The following SPTLC3 variants were observed in gnomAD, a reference collection of about 807,000 sequenced individuals.
SPTLC3 encodes serine palmitoyltransferase long chain base subunit 3, also known as serine palmitoyltransferase 3.
A neutral mutation model predicts 59.3 loss-of-function variants in SPTLC3; 36 were observed. The observed-to-expected ratio is 0.61, with a 90% CI of 0.47 to 0.80. The LOEUF (loss-of-function observed/expected upper bound fraction) is 0.80. Ranked by LOEUF, SPTLC3 falls within the 30% of genes least tolerant of loss-of-function variation. The probability of loss-of-function intolerance (pLI) is 0.00; values close to 1 mark genes in which losing one functional copy is unlikely to be tolerated. For synonymous variants in SPTLC3, 257 were observed against 240.8 expected (o/e 1.07, Z -0.62); for missense variants, 625 against 685.1 (o/e 0.91, Z 0.98).
intron 1 of SPTLC3, among the ~76,000 whole-genome samples, chr20:13,030,172 GGC>G (rs1986365229): frequency 6.6e-6 from 1 of 152,118 alleles, no homozygotes; most frequent in Admixed American, 6.6e-5. Flanking sequence ...ATGAGTCACT[GGC>G]TGCCCCTACT....
Position 13,166,199 on chromosome 20 carries a change from A to C in SPTLC3, c.*1332A>C, listed in dbSNP as rs1292347411. On this transcript the variant is annotated 3_prime_UTR_variant, in exon 12 of 12. Transcript: ENST00000399002. The stretch of plus-strand genomic sequence containing the variant: ...CTCCATCAAATGACACTGTAAACAA[A>C]TCACTTCAAGAGAGGCTTGGTTTTG... The C allele has an allele frequency of 2.0e-5, 3 of 152,638 alleles. No individual in the cohort carries two copies. Among genetic ancestry groups the C allele is most frequent in the Non-Finnish European group, 4.4e-5 (3 of 68,046 alleles). The allele number at this position is 152,638 out of a possible 1,614,324, so 9.5% of individuals were successfully genotyped here. A position where few individuals can be genotyped will look rare whatever the true frequency, so the allele number is the denominator to read the frequency against.
At chr20:13,040,561 T>C (rs1986934861) in intron 1 of SPTLC3, among the ~76,000 whole-genome samples, 1 of 152,168 alleles carries the variant, frequency 6.6e-6, no homozygotes, top group Non-Finnish European at 1.5e-5. Context: ...GGTTTCACCA[T>C]GTTGGCCAGG....
At chr20:13,019,323 A>G (rs2122380188) in intron 1 of SPTLC3, among the ~76,000 whole-genome samples, 1 of 152,336 alleles carries the variant, frequency 6.6e-6, no homozygotes, top group Middle Eastern at 3.4e-3. Context: ...GTGGATTTAA[A>G]GAAAACATTG....
At chr20:13,016,132 A>G (rs1323460490) in intron 1 of SPTLC3, among the ~76,000 whole-genome samples, 1 of 152,078 alleles carries the variant, frequency 6.6e-6, no homozygotes, top group Non-Finnish European at 1.5e-5. Flanking sequence ...AAAAGCTATG[A>G]TGAGGGAAAT....
At chr20:13,163,837 A>C (rs1296207953) in intron 11 of SPTLC3, among the ~76,000 whole-genome samples, 6 of 152,204 alleles carry the variant, frequency 3.9e-5, no homozygotes, top group Non-Finnish European at 2.9e-5. Context: ...CAGGCTCAGA[A>C]AGGTTAAAAA....
intron 6 of SPTLC3, among the ~76,000 whole-genome samples, chr20:13,103,795 A>G (rs368538726): frequency 1.2e-4 from 19 of 152,324 alleles, no homozygotes; most frequent in South Asian, 1.0e-3. Context: ...ACAAGAGAAG[A>G]GAAAGGAGGA....
In SPTLC3 at chr20:13,080,511, C is replaced by CA. The variant is rs3039608; in HGVS notation, c.607+6024dup. Among the ~76,000 whole-genome samples the CA allele has an allele frequency of 2.7e-3, 335 of 122,814 alleles. 10 individuals are homozygous for CA. Among genetic ancestry groups the CA allele is most frequent in the East Asian group, 0.013 (56 of 4,270 alleles). 80.6% of individuals were successfully genotyped at this position (122,814 alleles called of 152,430 possible). ...GACCGAGTGAAAATCCATCCATCTC[C>CA]AAAAAAAAAACAGGCAAAACTGCAC... On this transcript the variant is annotated intron_variant, in intron 4 of 11. Coordinates refer to ENST00000399002, the MANE Select transcript of SPTLC3 (RefSeq NM_018327.4).
chr20:13,027,288 G>A (rs763841560), intron 1 of SPTLC3, among the ~76,000 whole-genome samples: 9 of 152,078 alleles, frequency 5.9e-5, no homozygotes, highest in African/African-American at 9.7e-5. Context: ...TGATCCTTAC[G>A]TCTGTACGTC....
chr20:13,121,590 C>T (rs13042895), intron 8 of SPTLC3, among the ~76,000 whole-genome samples: 61,959 of 151,870 alleles, frequency 0.41, 12,657 homozygotes, highest in Admixed American at 0.43. Flanking sequence ...CTCTAACCCA[C>T]CCTGAAGAAG....
In SPTLC3 at chr20:13,126,700, T is replaced by C. The variant is rs1249068096; in HGVS notation, c.1262T>C (p.Leu421Pro). The change falls in exon 9 of 12, where the codon CTG (leucine) becomes CCG (proline). Residue 421 changes from leucine (L) to proline (P), a missense_variant. By Grantham distance (98) the Leu-to-Pro change is moderately conservative (BLOSUM62 -3). Transcript: ENST00000399002. ...AGATCACTAAAACTTATCATGGGAC[T>C]GGATGGGACCACTCAAGGTAAGAGG... ...IIRSLKLIMG[L>P]DGTTQGLQRV... 1 of 1,613,958 alleles carries C rather than the reference T, an allele frequency of 6.2e-7. No homozygotes were observed. Among genetic ancestry groups the C allele is most frequent in the African/African-American group, 1.3e-5 (1 of 74,936 alleles).
At chr20:13,012,217 G>C (rs1174959997) in intron 1 of SPTLC3, among the ~76,000 whole-genome samples, 2 of 151,792 alleles carry the variant, frequency 1.3e-5, no homozygotes, top group Admixed American at 6.6e-5. Context: ...AAACCTGCAG[G>C]ATGAAAAAAA....
intron 6 of SPTLC3, among the ~76,000 whole-genome samples, chr20:13,108,994 A>T (rs1164568984): frequency 6.6e-6 from 1 of 152,228 alleles, no homozygotes. Context: ...AATGCAAAAA[A>T]TACACAGTAC....
intron 9 of SPTLC3, among the ~76,000 whole-genome samples, chr20:13,149,712 C>G (rs2038599680): frequency 6.6e-6 from 1 of 152,190 alleles, no homozygotes; most frequent in Non-Finnish European, 1.5e-5. Flanking sequence ...TCAGATACCC[C>G]TGGATATCAT....
At chr20:13,123,741 C>A (rs983863577) in intron 8 of SPTLC3, among the ~76,000 whole-genome samples, 3 of 152,134 alleles carry the variant, frequency 2.0e-5, no homozygotes, top group African/African-American at 7.2e-5. Flanking sequence ...CTTTTTGCTC[C>A]TCTGCATCTA....
intron 9 of SPTLC3, among the ~76,000 whole-genome samples, chr20:13,147,390 A>C (rs951509982): frequency 6.6e-6 from 1 of 152,018 alleles, no homozygotes; most frequent in Non-Finnish European, 1.5e-5. Flanking sequence ...CTTTACCGAG[A>C]TCTCTCTGCC....
chr20:13,040,144 A>G (rs1340028901), intron 1 of SPTLC3, among the ~76,000 whole-genome samples: 2 of 151,560 alleles, frequency 1.3e-5, no homozygotes, highest in Non-Finnish European at 2.9e-5. Flanking sequence ...CTTATTTAAC[A>G]TTTCTGGTTT....
chr20:13,140,645 T>TA (rs3840957), intron 9 of SPTLC3, among the ~76,000 whole-genome samples: 25,727 of 152,082 alleles, frequency 0.17, 2,238 homozygotes, highest in East Asian at 0.2. Flanking sequence ...TCTACAGGAT[T>TA]AAAAAAACAG....
At chr20:13,015,263 G>C (rs902633305) in intron 1 of SPTLC3, among the ~76,000 whole-genome samples, 15 of 152,234 alleles carry the variant, frequency 9.9e-5, no homozygotes, top group Middle Eastern at 3.4e-3. Flanking sequence ...CAAGCAAGAT[G>C]AAAAACCAGA....
intron 1 of SPTLC3, among the ~76,000 whole-genome samples, chr20:13,047,028 A>G (rs1987263352): frequency 6.6e-6 from 1 of 152,218 alleles, no homozygotes; most frequent in Admixed American, 6.5e-5. Context: ...ACCTGAAATA[A>G]TAAATAAATA....
Sources: gnomAD v4.1 joint callset for allele counts (sites outside exome capture counted in the v4.1 genomes callset) on GRCh38, gnomAD v4.1.1 for gene constraint, MANE v1.5 for transcripts, NCBI Gene and HGNC (gene_info 2026-07-23, HGNC 2026-07-21) for gene names.